The following LMO7 variants were observed in gnomAD, a reference collection of about 807,000 sequenced individuals.
The protein encoded by LMO7 is LIM domain only protein 7.
In LMO7, 120 loss-of-function variants were observed where a neutral mutation model predicts 206.5. The ratio of observed to expected loss-of-function variants is 0.58; its 90% CI spans 0.50 to 0.68. LMO7 has a LOEUF of 0.68. LMO7 is among the 30% of genes least tolerant of loss of function. The probability of loss-of-function intolerance (pLI) is 0.00; values close to 1 mark genes in which losing one functional copy is unlikely to be tolerated. For synonymous variants in LMO7, 706 were observed against 681.5 expected (o/e 1.04, Z -0.56); for missense variants, 1,959 against 1,957.9 (o/e 1.00, Z -0.01).
chr13:75,710,924 T>G (rs2043054152), intron 1 of LMO7, among the ~76,000 whole-genome samples: 1 of 152,136 alleles, frequency 6.6e-6, no homozygotes, highest in African/African-American at 2.4e-5. Context: ...ATTATGATAT[T>G]GTCTGTGGGT....
intron 1 of LMO7, among the ~76,000 whole-genome samples, chr13:75,664,535 A>G (rs1471550475): frequency 2.0e-5 from 3 of 152,154 alleles, no homozygotes; most frequent in Admixed American, 1.3e-4. Flanking sequence ...TCTTTTGTGT[A>G]TATACCTAAG....
intron 1 of LMO7, among the ~76,000 whole-genome samples, chr13:75,697,173 C>T (rs912662949): frequency 6.6e-6 from 1 of 152,008 alleles, no homozygotes; most frequent in Non-Finnish European, 1.5e-5. Context: ...GGAAGGAGGT[C>T]GGGTGACTTC....
chr13:75,732,320 G>C (rs1057097472), intron 3 of LMO7, among the ~76,000 whole-genome samples: 1 of 151,784 alleles, frequency 6.6e-6, no homozygotes, highest in Non-Finnish European at 1.5e-5. Context: ...CGCTTTGTTT[G>C]TTTCTTTTTA....
intron 1 of LMO7, among the ~76,000 whole-genome samples, chr13:75,687,825 T>G (rs966054883): frequency 6.6e-6 from 1 of 152,302 alleles, no homozygotes; most frequent in South Asian, 2.1e-4. Context: ...AAAAATAAAA[T>G]GCAAGAATAA....
chr13:75,806,023 T>C, intron 9 of LMO7: 1 of 1,197,402 alleles, frequency 8.4e-7, no homozygotes, highest in Non-Finnish European at 1.0e-6. Context: ...TTTGTCTCAT[T>C]CCCTCTTCCC....
intron 4 of LMO7, among the ~76,000 whole-genome samples, chr13:75,766,237 CTTTT>C (rs10604656): frequency 1.3e-4 from 16 of 126,056 alleles, no homozygotes; most frequent in Non-Finnish European, 8.3e-5. Flanking sequence ...TTCCCTCAGT[CTTTT>C]TTTTTTTTTT....
intron 3 of LMO7, among the ~76,000 whole-genome samples, chr13:75,743,523 AAAAG>A (rs1265595379): frequency 3.9e-5 from 6 of 152,226 alleles, no homozygotes; most frequent in Admixed American, 1.3e-4. Flanking sequence ...GCAGTCATAA[AAAAG>A]AAAGAGATCA....
intron 1 of LMO7, among the ~76,000 whole-genome samples, chr13:75,663,408 TTTTCTTTC>T (rs61405381): frequency 7.1e-4 from 82 of 116,280 alleles, no homozygotes; most frequent in Middle Eastern, 5.3e-3. Flanking sequence ...GTGAATTCTT[TTTTCTTTC>T]TTTCTTTCTT....
chr13:75,735,726 G>A (rs1383453277), intron 3 of LMO7, among the ~76,000 whole-genome samples: 5 of 151,024 alleles, frequency 3.3e-5, no homozygotes, highest in Admixed American at 6.6e-5. Flanking sequence ...TGCCCGCCTC[G>A]GCCTCCCAAA....
At chr13:75,769,740 G>A (rs879811788) in intron 4 of LMO7, among the ~76,000 whole-genome samples, 1 of 152,070 alleles carries the variant, frequency 6.6e-6, no homozygotes, top group African/African-American at 2.4e-5. Flanking sequence ...GGTTTGCTCT[G>A]TGTGCTTTGA....
intron 3 of LMO7, among the ~76,000 whole-genome samples, chr13:75,737,777 T>TGAAAAAA (rs1555305719): frequency 1.8e-4 from 4 of 22,700 alleles, no homozygotes; most frequent in Admixed American, 8.8e-4. Context: ...TAAAATAAAA[T>TGAAAAAA]AAAATAAAAA....
intron 1 of LMO7, among the ~76,000 whole-genome samples, chr13:75,649,461 G>C (rs1173844896): frequency 6.6e-6 from 1 of 152,194 alleles, no homozygotes; most frequent in Non-Finnish European, 1.5e-5. Context: ...CGGACTAGAA[G>C]TGATCAAGGG....
chr13:75,663,615 A>G (rs538762057), intron 1 of LMO7, among the ~76,000 whole-genome samples: 20 of 151,878 alleles, frequency 1.3e-4, no homozygotes, highest in African/African-American at 4.6e-4. Context: ...TATTTTCAGT[A>G]GAGACGGGGT....
intron 4 of LMO7, among the ~76,000 whole-genome samples, chr13:75,779,550 T>C (rs2051004387): frequency 6.6e-6 from 1 of 152,224 alleles, no homozygotes; most frequent in Non-Finnish European, 1.5e-5. Context: ...TTGAAGCCTG[T>C]CACTTCTTTC....
intron 1 of LMO7, among the ~76,000 whole-genome samples, chr13:75,661,255 A>C (rs1217807423): frequency 2.0e-5 from 3 of 152,210 alleles, no homozygotes; most frequent in Non-Finnish European, 4.4e-5. Flanking sequence ...TATATAGTAG[A>C]TGCCAAAGGA....
intron 16 of LMO7, 23 bp downstream of exon 16, chr13:75,833,188 C>T (rs1211679511): frequency 1.6e-6 from 2 of 1,289,910 alleles, no homozygotes; most frequent in Middle Eastern, 1.9e-4. Context: ...TTTAGCTCTA[C>T]TGAATTTTCT....
At chr13:75,712,848 G>C (rs1185666442) in intron 1 of LMO7, among the ~76,000 whole-genome samples, 1 of 152,110 alleles carries the variant, frequency 6.6e-6, no homozygotes, top group Non-Finnish European at 1.5e-5. Flanking sequence ...TAGTAGAATA[G>C]ATCACCCATA....
rs186073908 is a variant in LMO7 at position 75,795,099 on chromosome 13, A to T, written c.318-302A>T. ...AGAAGGAAATACAAAAAATGCACAT[A>T]ATGTATTTAAAAATTAGACTGAAAT... On this transcript the variant is annotated intron_variant, in intron 4 of 30. Transcript: ENST00000377534. 4.2e-3 allele frequency among the ~76,000 whole-genome samples: 644 copies of T among 152,284 alleles called. 5 individuals are homozygous for T. The highest frequency in any genetic ancestry group is 5.5e-3 in the Non-Finnish European group (377 of 68,032).
intron 11 of LMO7, among the ~76,000 whole-genome samples, chr13:75,816,119 A>G (rs1383349777): frequency 6.6e-6 from 1 of 152,250 alleles, no homozygotes; most frequent in African/African-American, 2.4e-5. Flanking sequence ...TGGCACTGGG[A>G]ATAGTTTAGA....
Sources: allele counts gnomAD v4.1 joint callset (sites outside exome capture counted in the v4.1 genomes callset), GRCh38; gene constraint gnomAD v4.1.1; transcripts MANE v1.5; gene names NCBI Gene and HGNC (gene_info 2026-07-23, HGNC 2026-07-21).